Variants in WDR33 observed in about 807,000 individuals in gnomAD.
WDR33 encodes the protein pre-mRNA 3' end processing protein WDR33.
WDR33 carries 47 observed loss-of-function variants against 164.9 expected under a neutral mutation model. The observed-to-expected ratio is 0.29, with a 90% CI of 0.23 to 0.36. WDR33 has a LOEUF of 0.36. Ranked by LOEUF, WDR33 falls within the 10% of genes least tolerant of loss-of-function variation. WDR33 has a pLI of 1.00. For missense variants in WDR33, 1,137 were observed against 1,754.1 expected (o/e 0.65, Z 6.28); for synonymous variants, 505 against 589.0 (o/e 0.86, Z 2.06).
intron 1 of WDR33, among the ~76,000 whole-genome samples, chr2:127,779,626 G>T (rs1469123380): frequency 6.6e-6 from 1 of 152,084 alleles, no homozygotes; most frequent in Non-Finnish European, 1.5e-5. Context: ...GAAAGCCAAG[G>T]GCTTGCTGTT....
intron 1 of WDR33, among the ~76,000 whole-genome samples, chr2:127,786,949 A>C (rs1454647989): frequency 8.1e-6 from 1 of 123,622 alleles, no homozygotes; most frequent in African/African-American, 3.1e-5. Flanking sequence ...AGGGAAGGTC[A>C]GCAGATAAAC....
chr2:127,767,875 G>A (rs1687871089), intron 4 of WDR33, among the ~76,000 whole-genome samples: 1 of 152,124 alleles, frequency 6.6e-6, no homozygotes, highest in South Asian at 2.1e-4. Context: ...TTGGGATGCT[G>A]CTTTCTAAAT....
chr2:127,764,988 G>A lies in WDR33; in HGVS notation c.475-9C>T, dbSNP rs1219888920. 6.2e-7 allele frequency: 1 copy of A among 1,612,546 alleles called. No individual in the cohort carries two copies. On this transcript the variant is annotated splice_polypyrimidine_tract_variant and intron_variant, in intron 5 of 21. Coordinates refer to ENST00000322313, the MANE Select transcript of WDR33 (RefSeq NM_018383.5). The surrounding 1 kb of genome is among the most constrained non-coding windows in gnomAD (Gnocchi z 6.2). ...ACTGGGCTGTCGTGAGCCTGTGAAA[G>A]CAGAAAACATTAATTAGTAAGGTGC...
chr2:127,781,977 A>G (rs902064946), intron 1 of WDR33, among the ~76,000 whole-genome samples: 1 of 149,610 alleles, frequency 6.7e-6, no homozygotes, highest in African/African-American at 2.5e-5. Context: ...CAGCCTGGGC[A>G]AGAAGAGCGA....
chr2:127,752,038 T>C (rs1687381424), intron 7 of WDR33, among the ~76,000 whole-genome samples: 1 of 152,202 alleles, frequency 6.6e-6, no homozygotes, highest in African/African-American at 2.4e-5. Context: ...AACAAGACAT[T>C]AGATTTCTAT....
At chr2:127,707,237 A>G (rs1573872847) in intron 21 of WDR33, among the ~76,000 whole-genome samples, 2 of 151,646 alleles carry the variant, frequency 1.3e-5, no homozygotes, top group African/African-American at 4.8e-5. Flanking sequence ...TTTAAAAAAA[A>G]AAAAAAAAGA....
rs1171186797 is a variant in WDR33, at chr2:127,714,688, A to G, written c.2870-667T>C. 6.6e-6 allele frequency among the ~76,000 whole-genome samples: 1 copy of G among 152,180 alleles called. No homozygotes were observed. Among genetic ancestry groups the G allele is most frequent in the African/African-American group, 2.4e-5 (1 of 41,440 alleles). ...GAAGACAGTGTTTGGAATCCCACTAAAGTTTTCTAAAATATGTGAAAATAT... is the reference window on the plus strand; with the variant it reads ...GAAGACAGTGTTTGGAATCCCACTAGAGTTTTCTAAAATATGTGAAAATAT... On this transcript the variant is annotated intron_variant, in intron 17 of 21. Coordinates refer to ENST00000322313, the MANE Select transcript of WDR33 (RefSeq NM_018383.5). This position sits in a 1 kb window ranked among gnomAD's most constrained non-coding sequence, Gnocchi z 4.3.
chr2:127,753,649 C>G lies in WDR33; in HGVS notation c.724+9413G>C, dbSNP rs1231958925. On this transcript the variant is annotated intron_variant, in intron 7 of 21. Transcript: ENST00000322313. ...GCAATAGTGTCTCTTTATATACTTC[C>G]AAAGAATTGGTTTTAGTAGCAGGAG... is the stretch of plus-strand genomic sequence containing the variant. 3.3e-5 allele frequency among the ~76,000 whole-genome samples: 5 copies of G among 151,998 alleles called. No individual in the cohort carries two copies. In the East Asian group the frequency reaches 9.6e-4, roughly 29 times the overall value.
rs935161732 is a variant in WDR33 at position 127,787,427 on chromosome 2, G to A, written c.-23-16423C>T. On this transcript the variant is annotated intron_variant, in intron 1 of 21. Transcript: ENST00000322313. ...CAGAGGGGCTCCTCACTTCCCAGTAGGGGTGGCCGGGCAGAGGCGCCCCTC... is the reference window on the plus strand; with the variant it reads ...CAGAGGGGCTCCTCACTTCCCAGTAAGGGTGGCCGGGCAGAGGCGCCCCTC... Among the ~76,000 whole-genome samples the A allele has an allele frequency of 2.3e-5, 3 of 130,158 alleles. 1 individual carries two copies. The East Asian group carries it at 6.8e-4, about 29-fold the overall frequency. The allele number at this position is 130,158 out of a possible 152,430, so 85.4% of individuals were successfully genotyped here. A position where few individuals can be genotyped will look rare whatever the true frequency, so the allele number is the denominator to read the frequency against.
At position 127,719,446 on chromosome 2, in the gene WDR33, C is replaced by T; in HGVS notation, c.2579G>A (p.Ser860Asn). The part of the protein sequence containing the change: ...QELRGPPGSQ[S>N]QQGPPQGSLG... ...AGAGCCCTGGGGCGGCCCCTGCTGA[C>T]TTTGTGAGCCTGGAGGCCCTCGCAA... Residue 860 changes from serine (S) to asparagine (N), a missense_variant, in exon 16 of 22, where the codon AGT becomes AAT. Coordinates refer to ENST00000322313, the MANE Select transcript of WDR33 (RefSeq NM_018383.5). The surrounding 1 kb of genome is among the most constrained non-coding windows in gnomAD (Gnocchi z 6.5). 2 of 1,576,830 alleles carry T rather than the reference C, an allele frequency of 1.3e-6. No individual in the cohort carries two copies. Among genetic ancestry groups the T allele is most frequent in the Non-Finnish European group, 1.7e-6 (2 of 1,160,602 alleles).
chr2:127,745,887 T>C (rs1053568949), intron 7 of WDR33, among the ~76,000 whole-genome samples: 5 of 152,034 alleles, frequency 3.3e-5, no homozygotes, highest in Admixed American at 2.6e-4. Flanking sequence ...TGGCTGGGCA[T>C]GGTGGCAAGC....
At position 127,709,083 on chromosome 2, in the gene WDR33, A is replaced by G. The variant is rs910442772; in HGVS notation, c.3566-191T>C. On this transcript the variant is annotated intron_variant, in intron 20 of 21. Coordinates refer to ENST00000322313, the MANE Select transcript of WDR33 (RefSeq NM_018383.5). This position sits in a 1 kb window ranked among gnomAD's most constrained non-coding sequence, Gnocchi z 5.0. ...TGTAAGAGGGGCAGGTAAGATCCAG[A>G]GAACTCGTTCTCAGGCATTGTAGTA... Among the ~76,000 whole-genome samples the G allele has an allele frequency of 6.6e-6, 1 of 152,216 alleles. No homozygotes were observed. Among genetic ancestry groups the G allele is most frequent in the African/African-American group, 2.4e-5 (1 of 41,468 alleles).
In WDR33 at chr2:127,708,196, G is replaced by A. The variant is rs1322956557; in HGVS notation, c.3781+481C>T. 6.6e-6 allele frequency among the ~76,000 whole-genome samples: 1 copy of A among 152,158 alleles called. No homozygotes were observed. Among genetic ancestry groups the A allele is most frequent in the Non-Finnish European group, 1.5e-5 (1 of 68,012 alleles). On this transcript the variant is annotated intron_variant, in intron 21 of 21. Coordinates refer to ENST00000322313, the MANE Select transcript of WDR33 (RefSeq NM_018383.5). This position sits in a 1 kb window ranked among gnomAD's most constrained non-coding sequence, Gnocchi z 6.7. ...TAAAGCTCCACAGTTCCCAGTTGAG[G>A]AGATAATCTACTGTGCCCCTGGAAA...
intron 1 of WDR33, among the ~76,000 whole-genome samples, chr2:127,775,197 AT>A (rs199545982): frequency 6.0e-5 from 9 of 151,180 alleles, no homozygotes; most frequent in East Asian, 2.0e-4. Context: ...AAAAAAAAAA[AT>A]TTTTTTTTGA....
chr2:127,747,040 C>A (rs538062696), intron 7 of WDR33, among the ~76,000 whole-genome samples: 2 of 152,168 alleles, frequency 1.3e-5, no homozygotes, highest in African/African-American at 4.8e-5. Context: ...TTGTGGAGAT[C>A]ACCAAAGTGA....
chr2:127,786,978 G>C (rs1378223179), intron 1 of WDR33, among the ~76,000 whole-genome samples: 4 of 119,626 alleles, frequency 3.3e-5, no homozygotes, highest in Non-Finnish European at 6.8e-5. Flanking sequence ...AAAGGTCTCT[G>C]GTTTTCCTAG....
Position 127,770,731 on chromosome 2 carries a change from ATAAATAAC to A in WDR33, c.204+39_204+46del. 1.1e-6 allele frequency: 1 copy of A among 925,270 alleles called. No homozygotes were observed. Among genetic ancestry groups the A allele is most frequent in the Non-Finnish European group, 1.5e-6 (1 of 654,158 alleles). The allele number at this position is 925,270 out of a possible 1,614,324, so 57.3% of individuals were successfully genotyped here. A position where few individuals can be genotyped will look rare whatever the true frequency, so the allele number is the denominator to read the frequency against. ...AATAAATAAATAAATAAATAAATAA[ATAAATAAC>A]CAAAGTTTGGTCATCTGAAGCACAT... is the stretch of plus-strand genomic sequence containing the variant. On this transcript the variant is annotated intron_variant, in intron 2 of 21. Transcript: ENST00000322313. The surrounding 1 kb of genome is among the most constrained non-coding windows in gnomAD (Gnocchi z 4.9).
At chr2:127,774,245 T>A (rs2105449508) in intron 1 of WDR33, among the ~76,000 whole-genome samples, 1 of 151,246 alleles carries the variant, frequency 6.6e-6, no homozygotes, top group Non-Finnish European at 1.5e-5. Context: ...AAAGACAGGG[T>A]TTCACCATGT....
intron 1 of WDR33, among the ~76,000 whole-genome samples, chr2:127,797,258 C>T (rs981265814): frequency 3.3e-5 from 5 of 152,130 alleles, no homozygotes; most frequent in Non-Finnish European, 7.4e-5. Context: ...CTTTGGGAGG[C>T]TGAGGTAGGC....
Sources: gnomAD v4.1 joint callset for allele counts (sites outside exome capture counted in the v4.1 genomes callset) on GRCh38, gnomAD v4.1.1 for gene constraint, Gnocchi (gnomAD v3.1) non-coding constraint, MANE v1.5 for transcripts, NCBI Gene and HGNC (gene_info 2026-07-23, HGNC 2026-07-21) for gene names.